Variants in GSDMC observed in about 807,000 individuals in gnomAD.
The protein encoded by GSDMC is gasdermin C.
Under a neutral mutation model 58.0 loss-of-function variants are expected in GSDMC, and 59 were observed. That is an observed-to-expected ratio of 1.02 (90% confidence interval 0.82 to 1.26). The LOEUF (loss-of-function observed/expected upper bound fraction) is 1.26, where lower values mean the gene tolerates loss of function less well. GSDMC is among the 50% of genes most tolerant of loss of function. GSDMC has a pLI of 0.00. For missense variants in GSDMC, 659 were observed against 598.5 expected (o/e 1.10, Z -1.06); for synonymous variants, 241 against 220.2 (o/e 1.09, Z -0.83).
chr8:129,746,886 A>G (rs961034794), downstream of GSDMC, among the ~76,000 whole-genome samples: 1 of 152,200 alleles, frequency 6.6e-6, no homozygotes, highest in East Asian at 1.9e-4. Flanking sequence ...GGAGTGAAGC[A>G]CTACTGAAAA....
At chr8:129,756,456 G>A (rs1226743145) in intron 6 of GSDMC, among the ~76,000 whole-genome samples, 4 of 152,000 alleles carry the variant, frequency 2.6e-5, no homozygotes, top group Admixed American at 2.6e-4. Context: ...AGTAATAGGT[G>A]GAGACCTCAA....
At chr8:129,761,285 C>T (rs963971607) in intron 5 of GSDMC, among the ~76,000 whole-genome samples, 1 of 152,146 alleles carries the variant, frequency 6.6e-6, no homozygotes, top group African/African-American at 2.4e-5. Context: ...AGCTTGACAA[C>T]GGGCTCAAGT....
At chr8:129,765,496 AGG>A in intron 4 of GSDMC, 130 bp downstream of exon 4, 3 of 719,280 alleles carry the variant, frequency 4.2e-6, no homozygotes, top group Non-Finnish European at 7.4e-6. Context: ...ACATGTAAGA[AGG>A]GGGAAATAAT....
At chr8:129,761,359 C>T (rs2033653692) in intron 5 of GSDMC, among the ~76,000 whole-genome samples, 1 of 152,156 alleles carries the variant, frequency 6.6e-6, no homozygotes, top group Non-Finnish European at 1.5e-5. Flanking sequence ...CACCTCCTCC[C>T]ACCTGTTGTC....
At chr8:129,710,620 T>C in the GSDMC span, among the ~76,000 whole-genome samples, 2 of 152,182 alleles carry the variant, frequency 1.3e-5, no homozygotes, top group Admixed American at 1.3e-4. Context: ...TTTGTTCTTA[T>C]CTTGAGAAGA....
Position 129,749,474 on chromosome 8 carries a change from A to T in GSDMC, c.1265T>A (p.Ile422Asn). The change falls in exon 13 of 14, where the codon ATC (isoleucine) becomes AAC (asparagine). Residue 422 changes from isoleucine (I) to asparagine (N), a missense_variant. Ile to Asn is a moderately radical substitution (Grantham distance 149). Transcript: ENST00000276708. ...DLLACSMEKR[I>N]LLQQQELVRS... ...CACCAGCTCCTGTTGCTGAAGCAGG[A>T]TCCTCTTCTCCATGGAACAGGCCAG... 6.2e-7 allele frequency: 1 copy of T among 1,613,722 alleles called. No individual in the cohort carries two copies.
At chr8:129,781,457 A>G (rs2034405889) in intron 1 of GSDMC, among the ~76,000 whole-genome samples, 1 of 152,224 alleles carries the variant, frequency 6.6e-6, no homozygotes, top group Admixed American at 6.5e-5. Context: ...ATAGCTAGAG[A>G]CTTCAGGCGA....
chr8:129,738,104 A>C, the GSDMC span, among the ~76,000 whole-genome samples: 1 of 152,256 alleles, frequency 6.6e-6, no homozygotes, highest in East Asian at 1.9e-4. Flanking sequence ...ATGCAAATCA[A>C]AACCACAATG....
At chr8:129,775,169 C>A (rs2034181788) in intron 3 of GSDMC, among the ~76,000 whole-genome samples, 1 of 152,102 alleles carries the variant, frequency 6.6e-6, no homozygotes, top group Non-Finnish European at 1.5e-5. Flanking sequence ...AACCTAAGTG[C>A]CTGTCAACAG....
chr8:129,729,010 A>G, the GSDMC span: 20 of 657,426 alleles, frequency 3.0e-5, no homozygotes, highest in African/African-American at 3.6e-4. Flanking sequence ...CTGCACGATG[A>G]GGATGAAAAT....
chr8:129,756,799 G>A (rs1003175271), intron 6 of GSDMC, among the ~76,000 whole-genome samples: 1 of 152,116 alleles, frequency 6.6e-6, no homozygotes, highest in Non-Finnish European at 1.5e-5. Flanking sequence ...ATATGCTCCT[G>A]AATGACCAGT....
At chr8:129,740,557 G>C in the GSDMC span, among the ~76,000 whole-genome samples, 1 of 152,112 alleles carries the variant, frequency 6.6e-6, no homozygotes, top group Non-Finnish European at 1.5e-5. Flanking sequence ...ATGCTGTACA[G>C]GTTTATAGCC....
At chr8:129,766,751 G>A (rs78554669) in intron 3 of GSDMC, among the ~76,000 whole-genome samples, 21,685 of 151,974 alleles carry the variant, frequency 0.14, 1,887 homozygotes, top group Non-Finnish European at 0.19. Context: ...AGGCGCCACC[G>A]CAACATGAAT....
chr8:129,729,269 A>G, the GSDMC span: 1 of 618,838 alleles, frequency 1.6e-6, no homozygotes, highest in Non-Finnish European at 3.1e-6. Flanking sequence ...TGTATCTGCC[A>G]GTATTGGGGG....
the GSDMC span, chr8:129,729,002 G>C: frequency 1.5e-6 from 1 of 660,768 alleles, no homozygotes; most frequent in Non-Finnish European, 2.9e-6. Flanking sequence ...AGAGCTTGCT[G>C]CACGATGAGG....
chr8:129,717,513 A>T, the GSDMC span, among the ~76,000 whole-genome samples: 4 of 152,266 alleles, frequency 2.6e-5, no homozygotes, highest in South Asian at 8.3e-4. Context: ...ACTCAAGGAA[A>T]TAAGACACAA....
intron 13 of GSDMC, 63 bp downstream of exon 13, chr8:129,749,389 T>C: frequency 2.6e-6 from 3 of 1,168,956 alleles, no homozygotes; most frequent in Non-Finnish European, 2.6e-6. Context: ...CTCAGAATCA[T>C]TCTTCTTACC....
At chr8:129,705,997 T>C in the GSDMC span, among the ~76,000 whole-genome samples, 1 of 152,156 alleles carries the variant, frequency 6.6e-6, no homozygotes, top group African/African-American at 2.4e-5. Context: ...AGTGACCTGA[T>C]ATTGGAAATT....
the GSDMC span, among the ~76,000 whole-genome samples, chr8:129,725,332 T>C: frequency 6.6e-6 from 1 of 152,188 alleles, no homozygotes; most frequent in Non-Finnish European, 1.5e-5. Context: ...ACTACCTGTA[T>C]TCAAATCAAA....
Sources: gnomAD v4.1 joint callset for allele counts (sites outside exome capture counted in the v4.1 genomes callset) on GRCh38, gnomAD v4.1.1 for gene constraint, MANE v1.5 for transcripts, NCBI Gene and HGNC (gene_info 2026-07-23, HGNC 2026-07-21) for gene names.